ABCA13: variants seen among roughly 807,000 people sequenced by gnomAD.
ABCA13 encodes the protein ATP-binding cassette sub-family A member 13.
A neutral mutation model predicts 478.7 loss-of-function variants in ABCA13; 476 were observed. That is an observed-to-expected ratio of 0.99 (90% CI 0.92 to 1.07). The LOEUF is 1.07. Ranked by LOEUF, ABCA13 falls within the 50% of genes least tolerant of loss-of-function variation. ABCA13 has a pLI of 0.00. For synonymous variants in ABCA13, 2,252 were observed against 2,158.9 expected, an observed-to-expected ratio of 1.04 and a Z score of -1.20; for missense variants, 6,060 against 5,910.6, an observed-to-expected ratio of 1.03 and a Z score of -0.83.
chr7:48,387,096 C>T (rs1488553129), intron 35 of ABCA13, among the ~76,000 whole-genome samples: 1 of 151,886 alleles, frequency 6.6e-6, no homozygotes, highest in Non-Finnish European at 1.5e-5. Flanking sequence ...CTCTCTTCTG[C>T]TTGATGATCA....
chr7:48,468,039 A>G (rs1309919181), intron 44 of ABCA13, among the ~76,000 whole-genome samples: 1 of 152,056 alleles, frequency 6.6e-6, no homozygotes, highest in African/African-American at 2.4e-5. Flanking sequence ...AAATATGTCT[A>G]CCTTTGAAAA....
At chr7:48,225,451 G>C (rs982056847) in intron 5 of ABCA13, among the ~76,000 whole-genome samples, 2 of 152,224 alleles carry the variant, frequency 1.3e-5, no homozygotes, top group Admixed American at 1.3e-4. Flanking sequence ...ATTAGAATCA[G>C]AAAATTAACA....
At chr7:48,411,758 G>A (rs939094464) in intron 40 of ABCA13, among the ~76,000 whole-genome samples, 5 of 152,148 alleles carry the variant, frequency 3.3e-5, no homozygotes, top group African/African-American at 1.2e-4. Context: ...TGTGTCAACC[G>A]GGGGCAGGAA....
intron 41 of ABCA13, among the ~76,000 whole-genome samples, chr7:48,419,919 C>T (rs1433515): frequency 0.38 from 57,951 of 151,886 alleles, 11,698 homozygotes; most frequent in African/African-American, 0.51. Flanking sequence ...TATTTAGAGC[C>T]GTTTGAGAAA....
At chr7:48,380,189 T>A (rs1814126517) in intron 35 of ABCA13, among the ~76,000 whole-genome samples, 1 of 152,230 alleles carries the variant, frequency 6.6e-6, no homozygotes, top group Non-Finnish European at 1.5e-5. Flanking sequence ...TTAAAATATA[T>A]ATATCAAATG....
intron 15 of ABCA13, among the ~76,000 whole-genome samples, chr7:48,259,987 A>G (rs924953903): frequency 6.6e-6 from 1 of 152,116 alleles, no homozygotes. Context: ...TCTTTCTTGT[A>G]ATGACCATTT....
intron 15 of ABCA13, among the ~76,000 whole-genome samples, chr7:48,250,809 A>G (rs1792440102): frequency 6.6e-6 from 1 of 152,006 alleles, no homozygotes; most frequent in African/African-American, 2.4e-5. Context: ...GTCTATTTCC[A>G]TCTCTCCTTG....
chr7:48,389,098 G>A lies in ABCA13; in HGVS notation c.11532G>A (p.Leu3844=), dbSNP rs774932597. ...ELEGSAPGVT[L]VSVTKEYEGH... ...AAGGAAGTGCCCCGGGAGTCACCCT[G>A]GTGTCTGTGACCAAGGAATATGAGG... The change falls in exon 37 of 62, where the codon CTG becomes CTA. Residue 3844 remains leucine (L), a synonymous_variant. Coordinates refer to ENST00000435803, the MANE Select transcript of ABCA13 (RefSeq NM_152701.5). The A allele has an allele frequency of 1.9e-6, 3 of 1,613,924 alleles. No individual in the cohort carries two copies. Among genetic ancestry groups the A allele is most frequent in the Non-Finnish European group, 2.5e-6 (3 of 1,179,846 alleles).
intron 58 of ABCA13, among the ~76,000 whole-genome samples, chr7:48,600,700 C>T (rs911583528): frequency 6.6e-6 from 1 of 151,874 alleles, no homozygotes; most frequent in African/African-American, 2.4e-5. Context: ...CTATTATTAC[C>T]ATATATATTG....
rs565442764 is a variant in ABCA13, at chr7:48,270,458, C to T, written c.2121-1329C>T. Among the ~76,000 whole-genome samples the T allele has an allele frequency of 5.9e-5, 9 of 152,164 alleles. No individual in the cohort carries two copies. In the East Asian group the frequency reaches 1.7e-3, roughly 29 times the overall value. The stretch of plus-strand genomic sequence containing the variant: ...TGCTACTCCATAACCCTCTCAGTTC[C>T]CAATACAAATAAGTTTTATATTCTC... On this transcript the variant is annotated intron_variant, in intron 16 of 61. Transcript: ENST00000435803.
chr7:48,307,607 TA>T (rs551123180), intron 23 of ABCA13, among the ~76,000 whole-genome samples: 89 of 151,860 alleles, frequency 5.9e-4, no homozygotes, highest in African/African-American at 1.7e-3. Context: ...TCTACATTTA[TA>T]AAAAAAAATT....
At chr7:48,431,342 A>AAAC (rs56675430) in intron 42 of ABCA13, among the ~76,000 whole-genome samples, 20,987 of 147,878 alleles carry the variant, frequency 0.14, 1,610 homozygotes, top group African/African-American at 0.2. Flanking sequence ...ATTCTGTCTC[A>AAAC]AACAACAACA....
At chr7:48,220,155 G>A (rs1787155622) in intron 4 of ABCA13, among the ~76,000 whole-genome samples, 2 of 152,006 alleles carry the variant, frequency 1.3e-5, no homozygotes, top group African/African-American at 2.4e-5. Flanking sequence ...GGAAAGTTAG[G>A]ATGGATAAAG....
chr7:48,570,210 C>G (rs1186076666), intron 55 of ABCA13, among the ~76,000 whole-genome samples: 3 of 146,196 alleles, frequency 2.1e-5, no homozygotes, highest in African/African-American at 5.1e-5. Context: ...AGATGTTTTT[C>G]TTTGTTTTTA....
chr7:48,580,820 A>T (rs1362667385), intron 56 of ABCA13, among the ~76,000 whole-genome samples: 1 of 150,624 alleles, frequency 6.6e-6, no homozygotes, highest in Non-Finnish European at 1.5e-5. Flanking sequence ...GAGTGGGCGG[A>T]CAGATTCCTC....
intron 42 of ABCA13, among the ~76,000 whole-genome samples, chr7:48,439,371 A>G (rs7795085): frequency 0.3 from 45,099 of 151,806 alleles, 6,748 homozygotes; most frequent in East Asian, 0.37. Context: ...AAATGTTTAC[A>G]AGAATCTAAT....
chr7:48,421,632 G>A (rs1219799656), intron 41 of ABCA13, among the ~76,000 whole-genome samples: 1 of 152,142 alleles, frequency 6.6e-6, no homozygotes, highest in Non-Finnish European at 1.5e-5. Flanking sequence ...TCCCAGCCCT[G>A]GCTCTAGAAT....
chr7:48,372,880 A>AAGTG (rs1381532093), intron 33 of ABCA13, among the ~76,000 whole-genome samples: 1 of 152,238 alleles, frequency 6.6e-6, no homozygotes, highest in African/African-American at 2.4e-5. Context: ...ACATCACATT[A>AAGTG]AGTGGAAAAA....
rs369146904 is a variant in ABCA13, at chr7:48,279,172, A to C, written c.7978A>C (p.Asn2660His). ...TATGAGGAGTCTTGCGGTAGCATTT[A>C]ACAATGAGACTCAAACATTTTCTAT... ...EDMRSLAVAF[N>H]NETQTFSMDS... Residue 2660 changes from asparagine to histidine, a missense_variant, in exon 18 of 62, where the codon AAC becomes CAC. Asn to His is a moderately conservative substitution (Grantham distance 68). Coordinates refer to ENST00000435803, the MANE Select transcript of ABCA13 (RefSeq NM_152701.5). The C allele has an allele frequency of 8.1e-6, 13 of 1,601,186 alleles. No homozygotes were observed. The African/African-American group carries it at 1.5e-4, about 18-fold the overall frequency.
Sources: gnomAD v4.1 joint callset for allele counts (sites outside exome capture counted in the v4.1 genomes callset) on GRCh38, gnomAD v4.1.1 for gene constraint, MANE v1.5 for transcripts, NCBI Gene and HGNC (gene_info 2026-07-23, HGNC 2026-07-21) for gene names.